Variants in ASAP1 observed in about 807,000 individuals in gnomAD.
ASAP1 encodes ArfGAP with SH3 domain, ankyrin repeat and PH domain 1.
In ASAP1, 43 loss-of-function variants were observed where a neutral mutation model predicts 145.2. That is an observed-to-expected ratio of 0.30 (90% CI 0.23 to 0.38). The LOEUF is 0.38. ASAP1 is among the 10% of genes least tolerant of loss of function. ASAP1 has a pLI of 1.00. For synonymous variants in ASAP1, 546 were observed against 515.5 expected (o/e 1.06, Z -0.80); for missense variants, 1,018 against 1,355.3 (o/e 0.75, Z 3.91).
At chr8:130,362,044 T>C (rs185028625) in intron 2 of ASAP1, among the ~76,000 whole-genome samples, 184 of 152,286 alleles carry the variant, frequency 1.2e-3, no homozygotes, top group African/African-American at 4.0e-3. Flanking sequence ...AGGATGCACT[T>C]TGTCGCCTTG....
chr8:130,209,728 A>C (rs890646886), intron 5 of ASAP1, among the ~76,000 whole-genome samples: 1 of 152,170 alleles, frequency 6.6e-6, no homozygotes, highest in Non-Finnish European at 1.5e-5. Flanking sequence ...TGTTTTGAGG[A>C]AAAGTACTTA....
chr8:130,257,981 T>C (rs181383127), intron 3 of ASAP1, among the ~76,000 whole-genome samples: 23 of 152,302 alleles, frequency 1.5e-4, no homozygotes, highest in African/African-American at 2.4e-4. Context: ...TTTTGTAAAT[T>C]TGTGTATTAG....
intron 3 of ASAP1, among the ~76,000 whole-genome samples, chr8:130,334,987 G>A (rs1271975999): frequency 6.6e-6 from 1 of 152,100 alleles, no homozygotes; most frequent in Non-Finnish European, 1.5e-5. Flanking sequence ...GCCTTCCTGT[G>A]CTTCCTGTTC....
At chr8:130,435,258 C>A (rs1830273775) in intron 1 of ASAP1, among the ~76,000 whole-genome samples, 1 of 152,240 alleles carries the variant, frequency 6.6e-6, no homozygotes, top group Non-Finnish European at 1.5e-5. Context: ...TTCAGGACTT[C>A]TGAGTCTCAA....
intron 1 of ASAP1, among the ~76,000 whole-genome samples, chr8:130,434,035 G>T (rs1830224175): frequency 6.6e-6 from 1 of 152,210 alleles, no homozygotes; most frequent in African/African-American, 2.4e-5. Context: ...AATTACAAGG[G>T]CCAAGCATGG....
intron 3 of ASAP1, chr8:130,341,037 A>G (rs1825350750): frequency 2.5e-6 from 1 of 397,636 alleles, no homozygotes; most frequent in Non-Finnish European, 4.9e-6. Flanking sequence ...TTTAACCGAC[A>G]TTAAATGTGA....
chr8:130,251,086 G>T (rs1274611945), intron 3 of ASAP1, among the ~76,000 whole-genome samples: 1 of 152,096 alleles, frequency 6.6e-6, no homozygotes, highest in Non-Finnish European at 1.5e-5. Flanking sequence ...CACACCTGCA[G>T]AACAATGTTT....
At chr8:130,152,887 T>C in intron 12 of ASAP1, 82 bp from the exon 13 acceptor site, 3 of 1,086,700 alleles carry the variant, frequency 2.8e-6, no homozygotes, top group Non-Finnish European at 1.3e-6. Context: ...TACATAATAA[T>C]AATTACAAAA....
chr8:130,187,798 G>A (rs529110400), intron 6 of ASAP1, among the ~76,000 whole-genome samples: 1 of 152,266 alleles, frequency 6.6e-6, no homozygotes, highest in Admixed American at 6.5e-5. Flanking sequence ...TGCTGATGAA[G>A]CAGGAGCCCG....
At chr8:130,165,021 G>A (rs1427471417) in intron 11 of ASAP1, among the ~76,000 whole-genome samples, 1 of 152,172 alleles carries the variant, frequency 6.6e-6, no homozygotes, top group African/African-American at 2.4e-5. Context: ...AAAGGAACAG[G>A]CATGTTGTGA....
chr8:130,188,182 A>T lies in ASAP1; in HGVS notation c.407T>A (p.Leu136His), dbSNP rs769483764. Residue 136 changes from leucine (L) to histidine (H), a missense_variant and splice_region_variant, in exon 6 of 30, where the codon CTC (leucine) becomes CAC (histidine). Transcript: ENST00000518721. Reference sequence around the variant, plus strand: ...GATCACATTGTGGCTCAAACCCTGGAGCTGAAAAAGCAAAGGGAAGATGGG... The same window carrying T: ...GATCACATTGTGGCTCAAACCCTGGTGCTGAAAAAGCAAAGGGAAGATGGG... ...KELSTLLKNL[L>H]QGLSHNVIFT... The T allele has an allele frequency of 2.5e-6, 4 of 1,613,152 alleles. No individual in the cohort carries two copies.
chr8:130,281,623 T>C (rs1197545455), intron 3 of ASAP1, among the ~76,000 whole-genome samples: 1 of 152,204 alleles, frequency 6.6e-6, no homozygotes, highest in African/African-American at 2.4e-5. Context: ...AACAACTTAA[T>C]TTATTCTGTT....
intron 27 of ASAP1, among the ~76,000 whole-genome samples, chr8:130,073,087 G>T (rs937789916): frequency 2.6e-5 from 4 of 152,014 alleles, no homozygotes; most frequent in African/African-American, 7.2e-5. Context: ...GCTGTTGTTG[G>T]TGAATTCGGA....
intron 13 of ASAP1, among the ~76,000 whole-genome samples, chr8:130,143,995 G>A (rs903988650): frequency 3.3e-5 from 5 of 152,198 alleles, no homozygotes; most frequent in Admixed American, 6.5e-5. Flanking sequence ...TGAGGCTGAC[G>A]CGTGGAAAGA....
intron 12 of ASAP1, among the ~76,000 whole-genome samples, chr8:130,153,174 T>A (rs2097650221): frequency 6.6e-6 from 1 of 150,962 alleles, no homozygotes; most frequent in Non-Finnish European, 1.5e-5. Context: ...CTCCTGCCAC[T>A]GCGCCCGGCT....
rs191268914 is a variant in ASAP1 at position 130,289,140 on chromosome 8, G to T, written c.187-52146C>A. Among the ~76,000 whole-genome samples the T allele has an allele frequency of 4.9e-3, 747 of 152,122 alleles. 4 individuals are homozygous for T. Among genetic ancestry groups the T allele is most frequent in the Non-Finnish European group, 7.4e-3 (500 of 67,996 alleles). On this transcript the variant is annotated intron_variant, in intron 3 of 29. Coordinates refer to ENST00000518721, the MANE Select transcript of ASAP1 (RefSeq NM_018482.4). ...GGCATAGGTTGCAGTGAGCCAAGTT[G>T]GTGCCACGGCACTCCAGCCTGGGCG...
At chr8:130,157,122 A>T (rs1428927163) in intron 12 of ASAP1, among the ~76,000 whole-genome samples, 1 of 152,226 alleles carries the variant, frequency 6.6e-6, no homozygotes, top group Non-Finnish European at 1.5e-5. Flanking sequence ...GGGAAGAACA[A>T]GGAGCTGAGC....
At chr8:130,112,000 A>G in intron 24 of ASAP1, 94 bp downstream of exon 24, 1 of 1,245,320 alleles carries the variant, frequency 8.0e-7, no homozygotes, top group East Asian at 2.3e-5. Context: ...GTACCTTGCA[A>G]TTCTTACCTC....
At chr8:130,382,053 G>A (rs1389849072) in intron 2 of ASAP1, among the ~76,000 whole-genome samples, 8 of 152,050 alleles carry the variant, frequency 5.3e-5, no homozygotes, top group Admixed American at 3.9e-4. Context: ...TTGGGAGGCC[G>A]AGGCGGGCAG....
Sources: gnomAD v4.1 joint callset for allele counts (sites outside exome capture counted in the v4.1 genomes callset) on GRCh38, gnomAD v4.1.1 for gene constraint, MANE v1.5 for transcripts, NCBI Gene and HGNC (gene_info 2026-07-23, HGNC 2026-07-21) for gene names.